ALDH1L1: variants seen among roughly 807,000 people sequenced by gnomAD.
ALDH1L1 encodes the protein cytosolic 10-formyltetrahydrofolate dehydrogenase.
ALDH1L1 carries 68 observed loss-of-function variants against 101.1 expected under a neutral mutation model. That is an observed-to-expected ratio of 0.67 (90% CI 0.55 to 0.82). ALDH1L1 has a LOEUF of 0.82. Among genes scored for constraint, ALDH1L1 ranks in the 40% least tolerant of loss-of-function variants. The pLI, the probability that ALDH1L1 is intolerant of heterozygous loss-of-function variation, is 0.00. For synonymous variants in ALDH1L1, 486 were observed against 470.8 expected (o/e 1.03, Z -0.42); for missense variants, 1,087 against 1,172.7 (o/e 0.93, Z 1.07).
chr3:126,130,052 T>C (rs1415909402), intron 14 of ALDH1L1, 171 bp downstream of exon 14: 3 of 553,662 alleles, frequency 5.4e-6, no homozygotes, highest in African/African-American at 3.9e-5. Context: ...ACAATTGTCC[T>C]CAAGTCCTTA....
chr3:126,132,107 G>A (rs974578036), intron 12 of ALDH1L1, among the ~76,000 whole-genome samples: 2 of 152,360 alleles, frequency 1.3e-5, no homozygotes, highest in South Asian at 4.1e-4. Flanking sequence ...TGCCGAGGTC[G>A]GGTTGCCCTC....
At chr3:126,144,265 T>C (rs1317152926) in intron 9 of ALDH1L1, among the ~76,000 whole-genome samples, 1 of 152,226 alleles carries the variant, frequency 6.6e-6, no homozygotes, top group Non-Finnish European at 1.5e-5. Flanking sequence ...GAAGTTAATA[T>C]TGTTAAGATG....
upstream of ALDH1L1, among the ~76,000 whole-genome samples, chr3:126,182,068 A>G (rs2081480395): frequency 6.6e-6 from 1 of 152,222 alleles, no homozygotes; most frequent in Admixed American, 6.5e-5. Context: ...CCCTAGCCTC[A>G]GCCTTACTAG....
upstream of ALDH1L1, chr3:126,180,782 T>C (rs2081462823): frequency 4.1e-6 from 6 of 1,472,478 alleles, no homozygotes; most frequent in African/African-American, 8.4e-5. Context: ...CTTTCCCGCT[T>C]AGGTCAAGAA....
chr3:126,186,309 C>G (rs2364367), upstream of ALDH1L1, among the ~76,000 whole-genome samples: 76,748 of 152,128 alleles, frequency 0.5, 19,534 homozygotes, highest in Middle Eastern at 0.59. Context: ...ACTGGGCCTT[C>G]TTGGAAGCTC....
intron 19 of ALDH1L1, 146 bp downstream of exon 19, chr3:126,112,636 G>T: frequency 1.4e-6 from 1 of 697,036 alleles, no homozygotes; most frequent in South Asian, 1.7e-5. Flanking sequence ...CTCCCGCTGT[G>T]GGTTCCCTGA....
chr3:126,167,922 A>G (rs1162369709), intron 1 of ALDH1L1, among the ~76,000 whole-genome samples: 1 of 152,204 alleles, frequency 6.6e-6, no homozygotes, highest in African/African-American at 2.4e-5. Context: ...CAAGTCACAC[A>G]CAAAAAAACT....
intron 12 of ALDH1L1, among the ~76,000 whole-genome samples, chr3:126,132,797 C>T (rs2080341546): frequency 1.3e-5 from 2 of 152,162 alleles, no homozygotes; most frequent in African/African-American, 4.8e-5. Context: ...AATTTCATCA[C>T]GATTTGCCTG....
Position 126,113,014 on chromosome 3 carries a change from C to T in ALDH1L1, c.2083-134G>A, listed in dbSNP as rs957773370. 2.1e-5 allele frequency: 15 copies of T among 716,818 alleles called. No homozygotes were observed. The African/African-American group carries it at 2.5e-4, about 12-fold the overall frequency. 44.4% of individuals were successfully genotyped at this position (716,818 alleles called of 1,614,324 possible). A position where few individuals can be genotyped will look rare whatever the true frequency, so the allele number is the denominator to read the frequency against. On this transcript the variant is annotated intron_variant, in intron 18 of 22. Transcript: ENST00000393434. Reference sequence around the variant, plus strand: ...TGTCCTGATCTCCTCCTGTGGGCCCCACTCAATCCTCAGTCACCTCAAGAG... The same window carrying T: ...TGTCCTGATCTCCTCCTGTGGGCCCTACTCAATCCTCAGTCACCTCAAGAG...
intron 17 of ALDH1L1, among the ~76,000 whole-genome samples, chr3:126,115,724 G>GCA (rs2079952337): frequency 6.6e-6 from 1 of 151,810 alleles, no homozygotes; most frequent in Non-Finnish European, 1.5e-5. Flanking sequence ...ACAGGCACGT[G>GCA]CCACCACGCC....
At chr3:126,109,854 G>C in intron 20 of ALDH1L1, 90 bp downstream of exon 20, 1 of 1,546,414 alleles carries the variant, frequency 6.5e-7, no homozygotes, top group Non-Finnish European at 8.7e-7. Context: ...CTGGCCTTCA[G>C]ATGTCTCCAG....
Position 126,122,644 on chromosome 3 carries a change from A to C in ALDH1L1, c.1888+1720T>G, listed in dbSNP as rs146450589. Among the ~76,000 whole-genome samples, 835 of 152,322 alleles carry C rather than the reference A, an allele frequency of 5.5e-3. 8 individuals are homozygous for C. The highest frequency in any genetic ancestry group is 0.018 in the African/African-American group (764 of 41,558). ...TGGGTTTGTAACATATATAGATGTTATATGTGTACAAAAATACATGATCCT... is the reference window on the plus strand; with the variant it reads ...TGGGTTTGTAACATATATAGATGTTCTATGTGTACAAAAATACATGATCCT... On this transcript the variant is annotated intron_variant, in intron 16 of 22. Transcript: ENST00000393434.
At chr3:126,114,481 C>T in intron 18 of ALDH1L1, 76 bp downstream of exon 18, 1 of 1,226,032 alleles carries the variant, frequency 8.2e-7, no homozygotes, top group Non-Finnish European at 1.1e-6. Context: ...GCTGTGGAAT[C>T]AGAGACAGGG....
intron 6 of ALDH1L1, 73 bp from the exon 7 acceptor site, chr3:126,153,654 G>T: frequency 6.5e-7 from 1 of 1,549,188 alleles, no homozygotes; most frequent in South Asian, 1.2e-5. Flanking sequence ...AGGCAGGTCT[G>T]AGCAGGGCTG....
At chr3:126,169,278 T>C (rs1160617491) in intron 1 of ALDH1L1, among the ~76,000 whole-genome samples, 2 of 152,164 alleles carry the variant, frequency 1.3e-5, no homozygotes, top group African/African-American at 2.4e-5. Context: ...CTCCTGTAAA[T>C]AGAATTTAAA....
At chr3:126,158,105 G>A (rs539976323) in intron 3 of ALDH1L1, among the ~76,000 whole-genome samples, 8 of 151,800 alleles carry the variant, frequency 5.3e-5, no homozygotes, top group South Asian at 2.1e-4. Flanking sequence ...CTGTCCCTGC[G>A]CCTTCTGGTG....
intron 9 of ALDH1L1, among the ~76,000 whole-genome samples, chr3:126,138,887 GA>G (rs1379082775): frequency 1.3e-5 from 2 of 152,324 alleles, no homozygotes; most frequent in African/African-American, 4.8e-5. Context: ...AAATATGTTG[GA>G]ACTTTGGGGT....
At chr3:126,159,756 T>G (rs2081002481) in intron 2 of ALDH1L1, among the ~76,000 whole-genome samples, 1 of 152,158 alleles carries the variant, frequency 6.6e-6, no homozygotes, top group African/African-American at 2.4e-5. Context: ...TGGCTGGGTG[T>G]AGGACCCAGG....
intron 1 of ALDH1L1, among the ~76,000 whole-genome samples, chr3:126,175,503 A>C (rs1201503498): frequency 6.6e-6 from 1 of 152,158 alleles, no homozygotes; most frequent in Non-Finnish European, 1.5e-5. Flanking sequence ...TTTAAAAAGA[A>C]TTATACATAA....
Sources: allele counts gnomAD v4.1 joint callset (sites outside exome capture counted in the v4.1 genomes callset), GRCh38; gene constraint gnomAD v4.1.1; transcripts MANE v1.5; gene names NCBI Gene and HGNC (gene_info 2026-07-23, HGNC 2026-07-21).